Variants in CLEC16A observed in about 807,000 individuals in gnomAD.
CLEC16A encodes the protein C-type lectin domain containing 16A, also known as protein CLEC16A.
Under a neutral mutation model 109.5 loss-of-function variants are expected in CLEC16A, and 51 were observed. The observed-to-expected ratio is 0.47, with a 90% CI of 0.37 to 0.59. CLEC16A has a LOEUF of 0.59. CLEC16A is among the 20% of genes least tolerant of loss of function. CLEC16A has a pLI of 0.00. For synonymous variants in CLEC16A, 673 were observed against 564.2 expected, an observed-to-expected ratio of 1.19 and a Z score of -2.73; for missense variants, 1,339 against 1,394.0, an observed-to-expected ratio of 0.96 and a Z score of 0.63.
At chr16:11,125,849 G>T in intron 21 of CLEC16A, 130 bp from the exon 22 acceptor site, 2 of 854,154 alleles carry the variant, frequency 2.3e-6, no homozygotes, top group South Asian at 1.6e-5. Flanking sequence ...GCTGCCTGCC[G>T]CCCACTTGGC....
At chr16:11,006,811 CT>C (rs1282455902) in intron 11 of CLEC16A, among the ~76,000 whole-genome samples, 1 of 152,146 alleles carries the variant, frequency 6.6e-6, no homozygotes, top group Non-Finnish European at 1.5e-5. Context: ...ATGTGCACCC[CT>C]AACCCATCCA....
intron 12 of CLEC16A, among the ~76,000 whole-genome samples, chr16:11,022,868 C>T (rs1262256371): frequency 6.6e-6 from 1 of 150,512 alleles, no homozygotes; most frequent in East Asian, 1.9e-4. Flanking sequence ...CACTGCACTC[C>T]AGCCTGGGCA....
intron 1 of CLEC16A, among the ~76,000 whole-genome samples, chr16:10,946,280 A>T (rs752179298): frequency 2.0e-5 from 3 of 152,228 alleles, no homozygotes; most frequent in Non-Finnish European, 4.4e-5. Flanking sequence ...AGGGAATTAG[A>T]TAGGGACTTC....
rs560538904 is a variant in CLEC16A at position 11,146,207 on chromosome 16, C to G, written c.2641+20061C>G. 1.7e-3 allele frequency among the ~76,000 whole-genome samples: 252 copies of G among 152,312 alleles called. 1 individual carries two copies. Among genetic ancestry groups the G allele is most frequent in the Admixed American group, 3.3e-3 (50 of 15,296 alleles). ...TCCCCACTCCCAGCACTCCAGGGGTCTCTACCTTGCTCATTCCTTCAGAGC... is the reference window on the plus strand; with the variant it reads ...TCCCCACTCCCAGCACTCCAGGGGTGTCTACCTTGCTCATTCCTTCAGAGC... On this transcript the variant is annotated intron_variant, in intron 22 of 23. Transcript: ENST00000409790.
chr16:11,109,779 C>T (rs1038524059), intron 19 of CLEC16A, among the ~76,000 whole-genome samples: 2 of 152,202 alleles, frequency 1.3e-5, no homozygotes, highest in Admixed American at 6.5e-5. Flanking sequence ...GATCAGTGTT[C>T]CCTGTTCCTC....
At position 11,039,929 on chromosome 16, in the gene CLEC16A, G is replaced by A. The variant is rs1021830539; in HGVS notation, c.1660+53G>A. The stretch of plus-strand genomic sequence containing the variant: ...CAGGGCCACGCAGTTGTAGGAAGCA[G>A]ACCCCACTGGGAGCCTGAGCCCTGG... On this transcript the variant is annotated intron_variant, in intron 14 of 23. Coordinates refer to ENST00000409790, the MANE Select transcript of CLEC16A (RefSeq NM_015226.3). 1.3e-5 allele frequency: 20 copies of A among 1,583,730 alleles called. No homozygotes were observed. In the African/African-American group the frequency reaches 2.7e-4, roughly 21 times the overall value.
Position 11,054,380 on chromosome 16 carries a change from A to G in CLEC16A, c.1995+2739A>G, listed in dbSNP as rs989104002. Among the ~76,000 whole-genome samples the G allele has an allele frequency of 5.3e-5, 8 of 152,234 alleles. No homozygotes were observed. In the South Asian group the frequency reaches 8.3e-4, roughly 16 times the overall value. ...ATCGTGAGGACTCGGCAGCAAGCCA[A>G]TGGCAGGTCTCGATGATAGTCTTTT... On this transcript the variant is annotated intron_variant, in intron 18 of 23. Coordinates refer to ENST00000409790, the MANE Select transcript of CLEC16A (RefSeq NM_015226.3).
At chr16:11,047,405 T>TGGGATGGGCAGGGGGA in intron 17 of CLEC16A, 63 bp downstream of exon 17, 1 of 1,344,240 alleles carries the variant, frequency 7.4e-7, no homozygotes, top group Non-Finnish European at 1.0e-6. Context: ...AAGCTCCCCC[T>TGGGATGGGCAGGGGGA]GCCCATCCCA....
At chr16:11,164,157 C>G (rs2054822327) in intron 22 of CLEC16A, among the ~76,000 whole-genome samples, 1 of 152,176 alleles carries the variant, frequency 6.6e-6, no homozygotes, top group African/African-American at 2.4e-5. Flanking sequence ...GCCTTTCTCT[C>G]CGCAAGCAGA....
chr16:11,092,401 C>CACAT (rs1491089667), intron 19 of CLEC16A, among the ~76,000 whole-genome samples: 33 of 144,578 alleles, frequency 2.3e-4, no homozygotes, highest in Non-Finnish European at 3.5e-4. Flanking sequence ...CACACACACA[C>CACAT]ATGCCAGGTG....
intron 18 of CLEC16A, 100 bp from the exon 19 acceptor site, chr16:11,060,802 T>G: frequency 1.6e-6 from 2 of 1,265,468 alleles, no homozygotes; most frequent in Non-Finnish European, 1.0e-6. Flanking sequence ...GTTTCTTTCT[T>G]TTTTAATAGA....
chr16:11,045,530 A>G (rs957853665), intron 16 of CLEC16A, among the ~76,000 whole-genome samples: 19 of 152,020 alleles, frequency 1.2e-4, no homozygotes, highest in African/African-American at 3.9e-4. Flanking sequence ...TAGGATTTCA[A>G]CATATGAATT....
At chr16:11,027,051 C>T (rs1375550107) in intron 13 of CLEC16A, 1 of 1,558,840 alleles carries the variant, frequency 6.4e-7, no homozygotes, top group Non-Finnish European at 8.8e-7. Flanking sequence ...AAGAAAAATC[C>T]CTTTGGTTCC....
chr16:10,949,614 G>T (rs918598244), intron 1 of CLEC16A, among the ~76,000 whole-genome samples: 3 of 152,182 alleles, frequency 2.0e-5, no homozygotes, highest in African/African-American at 7.2e-5. Context: ...AGTCTCCAGA[G>T]GCCAGGTCCC....
intron 19 of CLEC16A, among the ~76,000 whole-genome samples, chr16:11,062,273 C>T (rs1460806974): frequency 6.6e-6 from 1 of 152,122 alleles, no homozygotes; most frequent in Non-Finnish European, 1.5e-5. Flanking sequence ...CTCTCTGTAG[C>T]ACTGTTGTTG....
chr16:11,033,198 T>C (rs7196077), intron 13 of CLEC16A, among the ~76,000 whole-genome samples: 37,446 of 151,924 alleles, frequency 0.25, 7,047 homozygotes, highest in African/African-American at 0.53. Flanking sequence ...ATGACTCCTG[T>C]GATTTGGCTT....
At chr16:11,055,557 A>ACGCCGTT (rs2048167291) in intron 18 of CLEC16A, among the ~76,000 whole-genome samples, 1 of 133,186 alleles carries the variant, frequency 7.5e-6, no homozygotes. Flanking sequence ...TCTCACGATA[A>ACGCCGTT]CGCCGTTTTC....
chr16:11,092,628 A>T (rs1597360450), intron 19 of CLEC16A, among the ~76,000 whole-genome samples: 1 of 152,194 alleles, frequency 6.6e-6, no homozygotes, highest in South Asian at 2.1e-4. Context: ...TTGCAAATAC[A>T]GATTTGAACA....
chr16:11,044,185 T>C, intron 16 of CLEC16A, 113 bp downstream of exon 16: 1 of 847,616 alleles, frequency 1.2e-6, no homozygotes, highest in East Asian at 2.9e-5. Context: ...TTTTTATGCC[T>C]ATAATTACTG....
Sources: allele counts gnomAD v4.1 joint callset (sites outside exome capture counted in the v4.1 genomes callset), GRCh38; gene constraint gnomAD v4.1.1; transcripts MANE v1.5; gene names NCBI Gene and HGNC (gene_info 2026-07-23, HGNC 2026-07-21).